PCDHGA5: variants seen among roughly 807,000 people sequenced by gnomAD.
PCDHGA5 encodes protocadherin gamma subfamily A, 5.
Under a neutral mutation model 56.7 loss-of-function variants are expected in PCDHGA5, and 36 were observed. The observed-to-expected ratio is 0.64, with a 90% confidence interval of 0.49 to 0.84. PCDHGA5 has a LOEUF of 0.84. Ranked by LOEUF, PCDHGA5 falls within the 40% of genes least tolerant of loss-of-function variation. PCDHGA5 has a pLI of 0.00. For synonymous variants in PCDHGA5, 563 were observed against 520.2 expected (o/e 1.08, Z -1.12); for missense variants, 1,305 against 1,201.5 (o/e 1.09, Z -1.27).
At chr5:141,504,842 A>G (rs944461166) in intron 2 of PCDHGA5, among the ~76,000 whole-genome samples, 7 of 151,968 alleles carry the variant, frequency 4.6e-5, no homozygotes, top group African/African-American at 1.7e-4. Context: ...CTAGCTCTGG[A>G]ACATTCTCTT....
Position 141,476,500 on chromosome 5 carries a change from C to A in PCDHGA5, c.2422-18307C>A. The A allele has an allele frequency of 6.2e-7, 1 of 1,613,874 alleles. No homozygotes were observed. The highest frequency in any genetic ancestry group is 8.5e-7 in the Non-Finnish European group (1 of 1,179,950). ...GCGTGGAAGTGGTGATCCAGGACAT[C>A]AACGACAACAATCCTGCTTTCCCTA... On this transcript the variant is annotated intron_variant, in intron 1 of 3. Coordinates refer to ENST00000518069, the MANE Select transcript of PCDHGA5 (RefSeq NM_018918.3). The surrounding 1 kb of genome is among the most constrained non-coding windows in gnomAD (Gnocchi z 7.6).
chr5:141,422,744 T>C, intron 1 of PCDHGA5: 1 of 1,610,696 alleles, frequency 6.2e-7, no homozygotes, highest in Non-Finnish European at 8.5e-7. Flanking sequence ...TCCTCCTATG[T>C]CTCTATTAAC....
At chr5:141,468,560 T>G (rs571224791) in intron 1 of PCDHGA5, 1 of 152,004 alleles carries the variant, frequency 6.6e-6, no homozygotes, top group Non-Finnish European at 1.5e-5. Flanking sequence ...ATTTGTGATA[T>G]AGTAAACAAT....
rs779392461 is a variant in PCDHGA5, at chr5:141,428,623, TC to T, written c.2421+61873del. 3.1e-5 allele frequency: 6 copies of T among 193,516 alleles called. No individual in the cohort carries two copies. In the East Asian group the frequency reaches 5.4e-4, roughly 17 times the overall value. 12.0% of individuals were successfully genotyped at this position (193,516 alleles called of 1,614,324 possible). ...CACTGAAGAGAATAACAAGATAAGC[TC>T]TAACTCTGTTGCTCCTACTCACGTG... On this transcript the variant is annotated intron_variant, in intron 1 of 3. Coordinates refer to ENST00000518069, the MANE Select transcript of PCDHGA5 (RefSeq NM_018918.3).
chr5:141,469,511 G>A (rs2099203340), intron 1 of PCDHGA5, among the ~76,000 whole-genome samples: 1 of 152,038 alleles, frequency 6.6e-6, no homozygotes, highest in African/African-American at 2.4e-5. Flanking sequence ...GGAGGTGGAG[G>A]TTGCAGTGAG....
rs1485856773 is a variant in PCDHGA5, at chr5:141,372,043, T to A, written c.2421+5292T>A. ...CTCAGCGCCAACGTGAGCCTGCGCG[T>A]GTTGGTGGACGACCGCAACGACAAT... On this transcript the variant is annotated intron_variant, in intron 1 of 3. Coordinates refer to ENST00000518069, the MANE Select transcript of PCDHGA5 (RefSeq NM_018918.3). The A allele has an allele frequency of 1.9e-6, 3 of 1,613,326 alleles. No individual in the cohort carries two copies. The highest frequency in any genetic ancestry group is 1.7e-5 in the Admixed American group (1 of 59,994).
intron 1 of PCDHGA5, chr5:141,411,213 CTATT>C (rs1479996814): frequency 1.3e-5 from 2 of 152,186 alleles, no homozygotes; most frequent in African/African-American, 2.4e-5. Context: ...AGTAACCTAT[CTATT>C]CAAATTTGCG....
At position 141,431,276 on chromosome 5, in the gene PCDHGA5, A is replaced by T; in HGVS notation, c.2422-63531A>T. 6.2e-7 allele frequency: 1 copy of T among 1,614,176 alleles called. No individual in the cohort carries two copies. Among genetic ancestry groups the T allele is most frequent in the South Asian group, 1.1e-5 (1 of 91,084 alleles). ...GAACTCTCTGCAGAGCTACGAGCTC[A>T]GCCCGAACACTCACTTCTCCCTCAT... is the stretch of plus-strand genomic sequence containing the variant. On this transcript the variant is annotated intron_variant, in intron 1 of 3. Transcript: ENST00000518069. The surrounding 1 kb of genome is among the most constrained non-coding windows in gnomAD (Gnocchi z 4.8).
chr5:141,366,594 A>T lies in PCDHGA5; in HGVS notation c.2264A>T (p.His755Leu). The change falls in exon 1 of 4, where the codon CAC (histidine) becomes CTC (leucine). Residue 755 changes from histidine (H) to leucine (L), a missense_variant. By Grantham distance (99) the His-to-Leu change is moderately conservative. Transcript: ENST00000518069. ...GVRAFLQTYS[H>L]EVSLTADSRK... ...CGGGCTTTCCTGCAGACCTATTCCC[A>T]CGAGGTCTCCCTCACCGCGGACTCG... 6.2e-7 allele frequency: 1 copy of T among 1,614,242 alleles called. No individual in the cohort carries two copies. The highest frequency in any genetic ancestry group is 1.1e-5 in the South Asian group (1 of 91,088).
rs1437533706 is a variant in PCDHGA5, at chr5:141,511,419, G to C, written c.*246G>C. On this transcript the variant is annotated 3_prime_UTR_variant, in exon 4 of 4. Transcript: ENST00000518069. ...ATCCAATCAACTGCTGTACCCATGG[G>C]GGTAGTGGGGTTACTGTAGACACCA... The C allele has an allele frequency of 2.4e-6, 2 of 830,456 alleles. No individual in the cohort carries two copies. The highest frequency in any genetic ancestry group is 5.8e-5 in the East Asian group (2 of 34,260). 51.4% of individuals were successfully genotyped at this position (830,456 alleles called of 1,614,324 possible).
At chr5:141,380,088 T>A (rs1292073938) in intron 1 of PCDHGA5, among the ~76,000 whole-genome samples, 1 of 151,730 alleles carries the variant, frequency 6.6e-6, no homozygotes, top group Non-Finnish European at 1.5e-5. Flanking sequence ...TTAGTAGAGA[T>A]GGGGTTTTAC....
chr5:141,408,133 T>A, intron 1 of PCDHGA5: 5 of 1,483,848 alleles, frequency 3.4e-6, no homozygotes, highest in Non-Finnish European at 4.5e-6. Context: ...GGCCGAATGC[T>A]CTTTTAGCGC....
intron 1 of PCDHGA5, chr5:141,478,694 T>G: frequency 1.3e-6 from 2 of 1,550,598 alleles, no homozygotes; most frequent in Non-Finnish European, 1.7e-6. Context: ...TAGATCAAAG[T>G]TAGTGCCTTT....
intron 1 of PCDHGA5, among the ~76,000 whole-genome samples, chr5:141,443,829 A>G (rs1387307023): frequency 6.6e-6 from 1 of 152,228 alleles, no homozygotes; most frequent in Non-Finnish European, 1.5e-5. Flanking sequence ...ATAATTAGGT[A>G]AAATGGGTAA....
At chr5:141,403,674 T>C in intron 1 of PCDHGA5, 2 of 1,613,812 alleles carry the variant, frequency 1.2e-6, no homozygotes, top group South Asian at 2.2e-5. Flanking sequence ...AATGCCCCGG[T>C]TTTTGCTCAA....
intron 1 of PCDHGA5, among the ~76,000 whole-genome samples, chr5:141,492,437 C>T (rs182333697): frequency 8.5e-5 from 13 of 152,332 alleles, no homozygotes; most frequent in Admixed American, 8.5e-4. Flanking sequence ...CAGGAGTACT[C>T]GTAGCTGATT....
intron 1 of PCDHGA5, chr5:141,409,624 G>A (rs747166507): frequency 2.5e-6 from 4 of 1,613,846 alleles, no homozygotes; most frequent in Non-Finnish European, 3.4e-6. Flanking sequence ...TTGCGCAAGT[G>A]AGCGCCTCTG....
At chr5:141,400,411 T>G in intron 1 of PCDHGA5, 1 of 1,614,062 alleles carries the variant, frequency 6.2e-7, no homozygotes, top group Non-Finnish European at 8.5e-7. Flanking sequence ...GGAGTTTAAT[T>G]TCCTAAAATG....
chr5:141,413,686 C>T, intron 1 of PCDHGA5: 4 of 1,613,812 alleles, frequency 2.5e-6, no homozygotes, highest in Non-Finnish European at 3.4e-6. Context: ...CGTGAACTCC[C>T]TGCAGAGCTA....
Sources: gnomAD v4.1 joint callset for allele counts (sites outside exome capture counted in the v4.1 genomes callset) on GRCh38, gnomAD v4.1.1 for gene constraint, Gnocchi (gnomAD v3.1) non-coding constraint, MANE v1.5 for transcripts, NCBI Gene and HGNC (gene_info 2026-07-23, HGNC 2026-07-21) for gene names.